The following NAV3 variants were observed in gnomAD, a reference collection of about 807,000 sequenced individuals.
The protein encoded by NAV3 is pore membrane and/or filament interacting like protein 1.
A neutral mutation model predicts 244.7 loss-of-function variants in NAV3; 87 were observed. That is an observed-to-expected ratio of 0.36 (90% confidence interval 0.30 to 0.42). The LOEUF is 0.42. Ranked by LOEUF, NAV3 falls within the 20% of genes least tolerant of loss-of-function variation. The pLI, the probability that NAV3 is intolerant of heterozygous loss-of-function variation, is 1.00. For synonymous variants in NAV3, 1,126 were observed against 1,042.2 expected (o/e 1.08, Z -1.55); for missense variants, 2,663 against 2,893.3 (o/e 0.92, Z 1.83).
chr12:78,004,206 T>A (rs1291931693), intron 7 of NAV3, among the ~76,000 whole-genome samples: 1 of 152,220 alleles, frequency 6.6e-6, no homozygotes, highest in Non-Finnish European at 1.5e-5. Context: ...ATCATAAGCA[T>A]ATTGTAGATT....
intron 2 of NAV3, among the ~76,000 whole-genome samples, chr12:77,584,947 A>G (rs545689100): frequency 5.3e-5 from 8 of 152,330 alleles, no homozygotes; most frequent in Admixed American, 1.3e-4. Context: ...AGAGTCTGGT[A>G]TCTAATTCTT....
intron 2 of NAV3, among the ~76,000 whole-genome samples, chr12:77,805,959 T>A (rs1871957518): frequency 6.6e-6 from 1 of 152,140 alleles, no homozygotes; most frequent in South Asian, 2.1e-4. Flanking sequence ...TGTGTAGAGG[T>A]TTTTATTGTA....
intron 5 of NAV3, among the ~76,000 whole-genome samples, chr12:77,973,610 C>A (rs1006248847): frequency 1.3e-5 from 2 of 152,114 alleles, no homozygotes; most frequent in Non-Finnish European, 2.9e-5. Context: ...GCTTTTGGAA[C>A]CCTCTTACCA....
intron 30 of NAV3, 103 bp from the exon 31 acceptor site, chr12:78,185,498 T>C (rs2139800364): frequency 1.0e-6 from 1 of 970,282 alleles, no homozygotes; most frequent in South Asian, 1.5e-5. Flanking sequence ...GGGAAGCAAA[T>C]CCCATTGAAA....
At chr12:77,738,608 G>T (rs1289623692) in intron 2 of NAV3, among the ~76,000 whole-genome samples, 1 of 152,144 alleles carries the variant, frequency 6.6e-6, no homozygotes, top group South Asian at 2.1e-4. Context: ...GATTACACAG[G>T]CATATGCATT....
chr12:78,154,883 T>A (rs1308948009), intron 22 of NAV3, among the ~76,000 whole-genome samples: 2 of 152,072 alleles, frequency 1.3e-5, no homozygotes, highest in African/African-American at 4.8e-5. Context: ...TTATCATTAG[T>A]AGAAAAATTT....
intron 15 of NAV3, among the ~76,000 whole-genome samples, chr12:78,121,181 A>C (rs1955652019): frequency 6.6e-6 from 1 of 152,182 alleles, no homozygotes; most frequent in Non-Finnish European, 1.5e-5. Flanking sequence ...ACTTCATATC[A>C]TTGTATTTCC....
At chr12:78,138,892 T>C (rs998840183) in intron 19 of NAV3, among the ~76,000 whole-genome samples, 7 of 152,130 alleles carry the variant, frequency 4.6e-5, no homozygotes, top group Non-Finnish European at 7.4e-5. Context: ...GCGATCTAGA[T>C]TCAAGACTTA....
rs762198101 is a variant in NAV3 at position 78,122,345 on chromosome 12, C to G, written c.4155C>G (p.Ser1385=). ...SIDLPLSHHG[S]LSGLTTGTHE... ...ACCTCCCCCTCAGCCATCATGGCTC[C>G]TTGTCTGGACTGACCACAGGCACTC... is the stretch of plus-strand genomic sequence containing the variant. Residue 1385 remains serine, a synonymous_variant, in exon 16 of 40, where the codon TCC becomes TCG. Transcript: ENST00000397909. 5 of 1,614,128 alleles carry G rather than the reference C, an allele frequency of 3.1e-6. No homozygotes were observed. The highest frequency in any genetic ancestry group is 4.2e-6 in the Non-Finnish European group (5 of 1,180,008).
chr12:78,063,563 A>G (rs1269341355), intron 12 of NAV3, among the ~76,000 whole-genome samples: 23 of 152,178 alleles, frequency 1.5e-4, no homozygotes, highest in Admixed American at 1.4e-3. Flanking sequence ...ACAAAACAGT[A>G]TGGGTGAAAG....
intron 5 of NAV3, among the ~76,000 whole-genome samples, chr12:77,981,884 A>G (rs1869632272): frequency 6.6e-6 from 1 of 152,086 alleles, no homozygotes; most frequent in South Asian, 2.1e-4. Flanking sequence ...AGAGTACTAC[A>G]TGTCTCACTA....
intron 2 of NAV3, among the ~76,000 whole-genome samples, chr12:77,689,419 A>G (rs1333201509): frequency 1.3e-5 from 2 of 151,952 alleles, no homozygotes; most frequent in Non-Finnish European, 1.5e-5. Context: ...TTTTGATGCC[A>G]TATACTACCA....
chr12:77,797,609 G>T (rs1240915501), intron 2 of NAV3, among the ~76,000 whole-genome samples: 1 of 146,728 alleles, frequency 6.8e-6, no homozygotes, highest in Non-Finnish European at 1.5e-5. Flanking sequence ...TTGGGAGGCC[G>T]AGGTGGGCGG....
chr12:78,190,324 A>C (rs1958917200), intron 34 of NAV3, 105 bp downstream of exon 34: 1 of 908,788 alleles, frequency 1.1e-6, no homozygotes, highest in Non-Finnish European at 1.7e-6. Context: ...ATGGAAAAGA[A>C]TATCCATCTT....
rs755269635 is a variant in NAV3 at position 78,119,225 on chromosome 12, C to A, written c.3041-12C>A. On this transcript the variant is annotated splice_polypyrimidine_tract_variant and intron_variant, in intron 14 of 39. Transcript: ENST00000397909. Reference sequence around the variant, plus strand: ...TACAGGCACATATATTTGTGTATTTCTCCTTAATTAGGGAAAACCGATGAT... The same window carrying A: ...TACAGGCACATATATTTGTGTATTTATCCTTAATTAGGGAAAACCGATGAT... 1 of 1,603,116 alleles carries A rather than the reference C, an allele frequency of 6.2e-7. No homozygotes were observed. Among genetic ancestry groups the A allele is most frequent in the African/African-American group, 1.3e-5 (1 of 74,112 alleles).
intron 5 of NAV3, among the ~76,000 whole-genome samples, chr12:77,985,869 C>T (rs1870418226): frequency 6.6e-6 from 1 of 152,124 alleles, no homozygotes; most frequent in Admixed American, 6.6e-5. Flanking sequence ...TGTTTTCAGC[C>T]TTGTTAACAT....
At chr12:78,171,093 G>A (rs1957981230) in intron 24 of NAV3, among the ~76,000 whole-genome samples, 2 of 151,656 alleles carry the variant, frequency 1.3e-5, no homozygotes, top group African/African-American at 4.8e-5. Flanking sequence ...TAAATTTTAG[G>A]AAAACAATTA....
intron 2 of NAV3, among the ~76,000 whole-genome samples, chr12:77,773,629 G>A (rs1335019526): frequency 6.6e-6 from 1 of 152,076 alleles, no homozygotes; most frequent in Admixed American, 6.6e-5. Flanking sequence ...TAGGACCTAT[G>A]AATAAATATA....
intron 1 of NAV3, among the ~76,000 whole-genome samples, chr12:77,843,722 G>A (rs372433451): frequency 1.7e-4 from 26 of 151,852 alleles, no homozygotes; most frequent in East Asian, 1.5e-3. Flanking sequence ...CAGGTTTGCC[G>A]TCTCTAATTG....
Sources: allele counts gnomAD v4.1 joint callset (sites outside exome capture counted in the v4.1 genomes callset), GRCh38; gene constraint gnomAD v4.1.1; transcripts MANE v1.5; gene names NCBI Gene and HGNC (gene_info 2026-07-23, HGNC 2026-07-21).